The following FAM107B variants were observed in gnomAD, a reference collection of about 807,000 sequenced individuals.
FAM107B encodes family with sequence similarity 107 member B, also known as protein FAM107B.
A neutral mutation model predicts 31.5 loss-of-function variants in FAM107B; 21 were observed. The ratio of observed to expected loss-of-function variants is 0.67; its 90% CI spans 0.47 to 0.96. FAM107B has a LOEUF of 0.96. FAM107B is among the 40% of genes least tolerant of loss of function. The pLI, the probability that FAM107B is intolerant of heterozygous loss-of-function variation, is 0.00. For synonymous variants in FAM107B, 157 were observed against 141.5 expected (o/e 1.11, Z -0.78); for missense variants, 452 against 377.1 (o/e 1.20, Z -1.64).
intron 2 of FAM107B, among the ~76,000 whole-genome samples, chr10:14,558,249 G>A (rs924319508): frequency 2.6e-5 from 4 of 152,038 alleles, no homozygotes; most frequent in Admixed American, 6.5e-5. Flanking sequence ...ACTCACATAC[G>A]TGCACGCGCA....
At position 14,663,791 on chromosome 10, in the gene FAM107B, C is replaced by T. The variant is rs17259957; in HGVS notation, c.469+3843G>A. On this transcript the variant is annotated intron_variant, in intron 2 of 4. Transcript: ENST00000181796. ...GTAAGGACAGAGCACACTCCTAACTCGTCTGTCATTATCACGTGGGTGGCT... is the reference window on the plus strand; with the variant it reads ...GTAAGGACAGAGCACACTCCTAACTTGTCTGTCATTATCACGTGGGTGGCT... Among the ~76,000 whole-genome samples the T allele has an allele frequency of 3.4e-5, 5 of 147,112 alleles. No homozygotes were observed. In the South Asian group the frequency reaches 8.6e-4, roughly 25 times the overall value.
rs2130822866 is a variant in FAM107B, at chr10:14,528,108, T to C, written c.653+2224A>G. On this transcript the variant is annotated intron_variant, in intron 3 of 4. Transcript: ENST00000181796. ...TGTCACATAGGAAGTGGAAGATAGA[T>C]GTGACTAAGTGATCACTTATTATGT... The C allele has an allele frequency of 1.4e-5, 4 of 283,928 alleles. 1 individual carries two copies. Among genetic ancestry groups the C allele is most frequent in the South Asian group, 1.2e-4 (4 of 33,508 alleles). The allele number at this position is 283,928 out of a possible 1,614,324, so 17.6% of individuals were successfully genotyped here. A position where few individuals can be genotyped will look rare whatever the true frequency, so the allele number is the denominator to read the frequency against.
intron 2 of FAM107B, among the ~76,000 whole-genome samples, chr10:14,626,596 C>T (rs1853171424): frequency 6.7e-6 from 1 of 149,492 alleles, no homozygotes; most frequent in Non-Finnish European, 1.5e-5. Flanking sequence ...CTCCGCCTTC[C>T]GGGTTCACGC....
At chr10:14,625,161 G>A (rs1035991893) in intron 2 of FAM107B, among the ~76,000 whole-genome samples, 1 of 151,734 alleles carries the variant, frequency 6.6e-6, no homozygotes, top group Non-Finnish European at 1.5e-5. Flanking sequence ...GGGAAACAGA[G>A]GTTGCAGTGA....
chr10:14,718,984 A>G (rs1446460251), intron 1 of FAM107B, among the ~76,000 whole-genome samples: 1 of 152,210 alleles, frequency 6.6e-6, no homozygotes, highest in Non-Finnish European at 1.5e-5. Context: ...CAAAGAGATG[A>G]TAGGACAGTC....
At chr10:14,686,074 G>C (rs1293381817) in intron 1 of FAM107B, among the ~76,000 whole-genome samples, 1 of 152,136 alleles carries the variant, frequency 6.6e-6, no homozygotes, top group Admixed American at 6.5e-5. Context: ...CCCTTGACAC[G>C]TGGGGATTAT....
chr10:14,710,455 C>G (rs1855619263), intron 1 of FAM107B, among the ~76,000 whole-genome samples: 1 of 151,628 alleles, frequency 6.6e-6, no homozygotes, highest in Non-Finnish European at 1.5e-5. Context: ...CACACACACA[C>G]ACACACACAC....
intron 2 of FAM107B, among the ~76,000 whole-genome samples, chr10:14,623,026 A>T (rs1435853253): frequency 1.3e-5 from 2 of 152,220 alleles, no homozygotes; most frequent in East Asian, 3.9e-4. Flanking sequence ...ATACTAGTTT[A>T]TCCATCTGAT....
At chr10:14,668,904 A>G in intron 1 of FAM107B, among the ~76,000 whole-genome samples, 1 of 152,220 alleles carries the variant, frequency 6.6e-6, no homozygotes, top group African/African-American at 2.4e-5. Context: ...GTAGGGTTCC[A>G]TAAATAAAAA....
chr10:14,565,871 G>A (rs1177982483), intron 2 of FAM107B, among the ~76,000 whole-genome samples: 1 of 152,138 alleles, frequency 6.6e-6, no homozygotes, highest in African/African-American at 2.4e-5. Context: ...TCACAGAGGA[G>A]GATGCGCTCC....
At chr10:14,613,374 A>T (rs1281334547) in intron 2 of FAM107B, among the ~76,000 whole-genome samples, 1 of 152,208 alleles carries the variant, frequency 6.6e-6, no homozygotes, top group African/African-American at 2.4e-5. Flanking sequence ...GCTCATGACC[A>T]TTCTTAGCTT....
chr10:14,643,866 A>G (rs748608213), intron 2 of FAM107B, among the ~76,000 whole-genome samples: 17 of 152,246 alleles, frequency 1.1e-4, no homozygotes, highest in Non-Finnish European at 1.9e-4. Context: ...ACCCTCAGGT[A>G]TATGATTTTA....
intron 1 of FAM107B, among the ~76,000 whole-genome samples, chr10:14,672,213 C>T (rs1049825895): frequency 6.6e-6 from 1 of 152,012 alleles, no homozygotes; most frequent in African/African-American, 2.4e-5. Flanking sequence ...CTCAGCCTCC[C>T]GAGCAGCTGG....
chr10:14,727,841 T>C (rs1856072528), intron 1 of FAM107B, among the ~76,000 whole-genome samples: 1 of 152,220 alleles, frequency 6.6e-6, no homozygotes. Flanking sequence ...TAAGAAACTT[T>C]AAAAAGTGAT....
chr10:14,709,459 TG>T (rs1257685899), intron 1 of FAM107B, among the ~76,000 whole-genome samples: 7 of 152,212 alleles, frequency 4.6e-5, no homozygotes, highest in Admixed American at 3.3e-4. Flanking sequence ...AGAGAGCTTA[TG>T]TAGGGAAACT....
chr10:14,620,023 T>C (rs1485568578), intron 2 of FAM107B, among the ~76,000 whole-genome samples: 30 of 144,350 alleles, frequency 2.1e-4, no homozygotes, highest in South Asian at 1.7e-3. Context: ...CTTTCTTTTT[T>C]TTTTTTTTTT....
intron 2 of FAM107B, among the ~76,000 whole-genome samples, chr10:14,662,036 G>A (rs1564617924): frequency 1.3e-5 from 2 of 152,156 alleles, no homozygotes; most frequent in Non-Finnish European, 2.9e-5. Context: ...TTCCTCTGCA[G>A]AGTCTCCACC....
chr10:14,592,082 A>G (rs889424479), intron 2 of FAM107B, among the ~76,000 whole-genome samples: 3 of 152,212 alleles, frequency 2.0e-5, no homozygotes, highest in African/African-American at 7.2e-5. Context: ...GATGAAATCA[A>G]TGCTGGGGAG....
At chr10:14,631,403 G>T (rs971684421) in intron 2 of FAM107B, among the ~76,000 whole-genome samples, 1 of 152,180 alleles carries the variant, frequency 6.6e-6, no homozygotes, top group African/African-American at 2.4e-5. Context: ...TGGGTTATCT[G>T]TTTAAACAGA....
Sources: gnomAD v4.1 joint callset for allele counts (sites outside exome capture counted in the v4.1 genomes callset) on GRCh38, gnomAD v4.1.1 for gene constraint, MANE v1.5 for transcripts, NCBI Gene and HGNC (gene_info 2026-07-23, HGNC 2026-07-21) for gene names.